The following CSMD1 variants were observed in gnomAD, a reference collection of about 807,000 sequenced individuals.
CSMD1 encodes the protein CUB and sushi domain-containing protein 1.
A neutral mutation model predicts 417.5 loss-of-function variants in CSMD1; 213 were observed. That is an observed-to-expected ratio of 0.51 (90% CI 0.46 to 0.57). The LOEUF (loss-of-function observed/expected upper bound fraction) is 0.57. CSMD1 is among the 20% of genes least tolerant of loss of function. The probability of loss-of-function intolerance (pLI) is 0.00; values close to 1 mark genes in which losing one functional copy is unlikely to be tolerated. For synonymous variants in CSMD1, 2,862 were observed against 1,736.8 expected, an observed-to-expected ratio of 1.65 and a Z score of -16.11; for missense variants, 6,923 against 4,529.7, an observed-to-expected ratio of 1.53 and a Z score of -15.17.
chr8:3,960,457 A>C (rs1190299437), intron 5 of CSMD1, among the ~76,000 whole-genome samples: 1 of 152,216 alleles, frequency 6.6e-6, no homozygotes, highest in Non-Finnish European at 1.5e-5. Flanking sequence ...TTTTCAACAC[A>C]GGGGCGAATA....
chr8:4,342,233 CTGTG>C (rs1219686033), intron 3 of CSMD1, among the ~76,000 whole-genome samples: 59 of 23,462 alleles, frequency 2.5e-3, no homozygotes, highest in African/African-American at 0.012. Flanking sequence ...GTGTGTGTGT[CTGTG>C]TGTGTGTGTG....
At position 4,014,267 on chromosome 8, in the gene CSMD1, T is replaced by C. The variant is rs1796414164; in HGVS notation, c.611-16157A>G. Among the ~76,000 whole-genome samples the C allele has an allele frequency of 2.0e-5, 3 of 152,306 alleles. No individual in the cohort carries two copies. In the South Asian group the frequency reaches 6.2e-4, roughly 32 times the overall value. Reference sequence around the variant, plus strand: ...GAAGCAACAAACACAGTGCTATATGTACAGAGACACTAATTATGGCATTGC... The same window carrying C: ...GAAGCAACAAACACAGTGCTATATGCACAGAGACACTAATTATGGCATTGC... On this transcript the variant is annotated intron_variant, in intron 4 of 69. Coordinates refer to ENST00000635120, the MANE Select transcript of CSMD1 (RefSeq NM_033225.6).
At chr8:3,369,175 G>T in intron 19 of CSMD1, 79 bp downstream of exon 19, 4 of 687,884 alleles carry the variant, frequency 5.8e-6, no homozygotes, top group Non-Finnish European at 1.0e-5. Flanking sequence ...TGTTTACACC[G>T]TAATATGTTT....
chr8:4,450,347 G>C (rs894237026), intron 2 of CSMD1, among the ~76,000 whole-genome samples: 1 of 152,122 alleles, frequency 6.6e-6, no homozygotes, highest in Non-Finnish European at 1.5e-5. Flanking sequence ...ATATTTAGTA[G>C]CCGGGTGTGG....
At chr8:3,639,638 A>C (rs1276751994) in intron 7 of CSMD1, among the ~76,000 whole-genome samples, 2 of 152,230 alleles carry the variant, frequency 1.3e-5, no homozygotes, top group Non-Finnish European at 2.9e-5. Context: ...CAATTCCCTC[A>C]TTTGAACACT....
intron 28 of CSMD1, among the ~76,000 whole-genome samples, chr8:3,221,880 G>A (rs528564139): frequency 7.9e-5 from 12 of 151,882 alleles, no homozygotes; most frequent in Non-Finnish European, 1.8e-4. Context: ...TTTACCATTA[G>A]TAATGCCAGA....
intron 3 of CSMD1, among the ~76,000 whole-genome samples, chr8:4,083,939 T>C (rs1052053474): frequency 6.6e-6 from 1 of 151,978 alleles, no homozygotes; most frequent in African/African-American, 2.4e-5. Flanking sequence ...CGCAACCTAC[T>C]CACATCTGAC....
intron 3 of CSMD1, among the ~76,000 whole-genome samples, chr8:4,066,963 C>A (rs73502913): frequency 0.016 from 2,459 of 152,306 alleles, 75 homozygotes; most frequent in African/African-American, 0.056. Flanking sequence ...CAGGGTGGAA[C>A]CTAATGAGTA....
chr8:4,443,079 T>A (rs933722987), intron 2 of CSMD1, among the ~76,000 whole-genome samples: 5 of 152,204 alleles, frequency 3.3e-5, no homozygotes, highest in African/African-American at 7.2e-5. Context: ...TCAGAGGTGG[T>A]ATCTGCCTTT....
chr8:3,410,382 C>G (rs1185629045), intron 12 of CSMD1, among the ~76,000 whole-genome samples: 1 of 152,180 alleles, frequency 6.6e-6, no homozygotes, highest in Non-Finnish European at 1.5e-5. Flanking sequence ...GCTGTGTCCC[C>G]ACCTAATTCT....
At chr8:4,328,953 T>A (rs1175217767) in intron 3 of CSMD1, among the ~76,000 whole-genome samples, 1 of 152,236 alleles carries the variant, frequency 6.6e-6, no homozygotes, top group East Asian at 1.9e-4. Context: ...ATTTGCAAGT[T>A]TAGCAGAGTA....
intron 3 of CSMD1, among the ~76,000 whole-genome samples, chr8:4,202,248 ATTCAG>A (rs1799698923): frequency 6.6e-6 from 1 of 152,172 alleles, no homozygotes; most frequent in South Asian, 2.1e-4. Context: ...TATCTTCACA[ATTCAG>A]TTAAGATTTT....
intron 3 of CSMD1, among the ~76,000 whole-genome samples, chr8:4,243,772 A>T (rs1434789018): frequency 6.6e-6 from 1 of 152,224 alleles, no homozygotes; most frequent in Non-Finnish European, 1.5e-5. Context: ...CTAGTATTCA[A>T]CGAGGAAAGA....
chr8:3,847,617 C>T (rs1455208928), intron 5 of CSMD1, among the ~76,000 whole-genome samples: 1 of 152,064 alleles, frequency 6.6e-6, no homozygotes, highest in African/African-American at 2.4e-5. Flanking sequence ...GATTCCAGAC[C>T]GATGGAGCCC....
At chr8:3,590,774 C>A (rs964248305) in intron 8 of CSMD1, among the ~76,000 whole-genome samples, 1 of 152,064 alleles carries the variant, frequency 6.6e-6, no homozygotes, top group Non-Finnish European at 1.5e-5. Context: ...GGAGACTCCA[C>A]GTGGGAATAA....
intron 3 of CSMD1, among the ~76,000 whole-genome samples, chr8:4,202,173 G>A (rs775831207): frequency 6.6e-5 from 10 of 151,992 alleles, no homozygotes; most frequent in Non-Finnish European, 1.3e-4. Flanking sequence ...GACCAGCTGT[G>A]TTAGTATTAT....
intron 3 of CSMD1, among the ~76,000 whole-genome samples, chr8:4,186,364 C>T (rs893921600): frequency 6.6e-6 from 1 of 152,108 alleles, no homozygotes; most frequent in Non-Finnish European, 1.5e-5. Flanking sequence ...TTCCTATCTT[C>T]GTGTTGAATG....
intron 1 of CSMD1, among the ~76,000 whole-genome samples, chr8:4,662,538 G>C (rs1276479004): frequency 6.6e-6 from 1 of 152,058 alleles, no homozygotes; most frequent in East Asian, 1.9e-4. Context: ...AGGCACTTTC[G>C]CTCGTCTCCC....
At chr8:3,032,084 A>G (rs1234945356) in intron 50 of CSMD1, among the ~76,000 whole-genome samples, 1 of 151,896 alleles carries the variant, frequency 6.6e-6, no homozygotes, top group Non-Finnish European at 1.5e-5. Flanking sequence ...AGAAACGTGT[A>G]TGAGTGGAAA....
Sources: gnomAD v4.1 joint callset for allele counts (sites outside exome capture counted in the v4.1 genomes callset) on GRCh38, gnomAD v4.1.1 for gene constraint, MANE v1.5 for transcripts, NCBI Gene and HGNC (gene_info 2026-07-23, HGNC 2026-07-21) for gene names.